Variants in CEP72 observed in about 807,000 individuals in gnomAD.
CEP72 encodes centrosomal protein 72.
Under a neutral mutation model 65.7 loss-of-function variants are expected in CEP72, and 78 were observed. The observed-to-expected ratio is 1.19, with a 90% CI of 0.99 to 1.43. The LOEUF (loss-of-function observed/expected upper bound fraction) is 1.43, where lower values mean the gene tolerates loss of function less well. Ranked by LOEUF, CEP72 falls within the 40% of genes most tolerant of loss-of-function variation. CEP72 has a pLI of 0.00. For synonymous variants in CEP72, 358 were observed against 351.7 expected (o/e 1.02, Z -0.20); for missense variants, 914 against 832.9 (o/e 1.10, Z -1.20).
At chr5:650,004 G>A (rs1580030014) in intron 11 of CEP72, among the ~76,000 whole-genome samples, 1 of 127,892 alleles carries the variant, frequency 7.8e-6, no homozygotes, top group South Asian at 3.0e-4. Context: ...ACTGTGAGGC[G>A]TGGACTGTGA....
downstream of CEP72, among the ~76,000 whole-genome samples, chr5:671,595 C>T (rs546484916): frequency 3.9e-5 from 6 of 152,360 alleles, no homozygotes; most frequent in South Asian, 2.1e-4. Context: ...GCACAGTGCT[C>T]TGGGGATTGC....
intron 9 of CEP72, chr5:642,555 C>A (rs944236978): frequency 2.0e-6 from 2 of 985,362 alleles, no homozygotes; most frequent in Non-Finnish European, 2.4e-6. Context: ...AAAGGTGTGC[C>A]GAGCACCAGT....
chr5:623,098 C>T lies in CEP72; in HGVS notation c.404-1373C>T, dbSNP rs1351907912. Among the ~76,000 whole-genome samples the T allele has an allele frequency of 1.3e-5, 2 of 149,532 alleles. No homozygotes were observed. The highest frequency in any genetic ancestry group is 5.0e-5 in the African/African-American group (2 of 40,282). On this transcript the variant is annotated intron_variant, in intron 3 of 11. Transcript: ENST00000264935. The surrounding 1 kb of genome is among the most constrained non-coding windows in gnomAD (Gnocchi z 5.3). Reference sequence around the variant, plus strand: ...TGTTTCTGCAGAGAAGGAGCGCGACCGTCTCCCTCTTAGTGTTTCTGCAGA... The same window carrying T: ...TGTTTCTGCAGAGAAGGAGCGCGACTGTCTCCCTCTTAGTGTTTCTGCAGA...
chr5:631,595 GC>G (rs1269982464), intron 4 of CEP72, among the ~76,000 whole-genome samples: 1 of 37,956 alleles, frequency 2.6e-5, no homozygotes, highest in Non-Finnish European at 4.5e-5. Flanking sequence ...TCTGTCCAGT[GC>G]CGGGATTTGG....
intron 11 of CEP72, among the ~76,000 whole-genome samples, chr5:650,158 G>T (rs1738888748): frequency 7.4e-6 from 1 of 135,228 alleles, no homozygotes; most frequent in African/African-American, 2.9e-5. Flanking sequence ...GGCGTGGACT[G>T]TGAGGTGTGA....
At chr5:638,255 T>G (rs1194565241) in intron 7 of CEP72, among the ~76,000 whole-genome samples, 1 of 152,068 alleles carries the variant, frequency 6.6e-6, no homozygotes, top group East Asian at 1.9e-4. Flanking sequence ...GCTGAGCCAT[T>G]GATGACCCTT....
intron 6 of CEP72, among the ~76,000 whole-genome samples, chr5:637,257 T>A (rs1737671016): frequency 6.6e-6 from 1 of 152,180 alleles, no homozygotes; most frequent in Admixed American, 6.5e-5. Context: ...TCATCCAGAC[T>A]CCCCCAGAGT....
intron 11 of CEP72, among the ~76,000 whole-genome samples, chr5:651,728 C>T (rs968114303): frequency 3.3e-5 from 5 of 151,944 alleles, no homozygotes; most frequent in African/African-American, 7.3e-5. Context: ...AAGGACAGGT[C>T]GCTCTGGGCA....
chr5:642,492 A>G, intron 9 of CEP72: 1 of 985,506 alleles, frequency 1.0e-6, no homozygotes, highest in Non-Finnish European at 1.2e-6. Context: ...ACAGTCAGGC[A>G]CACCCCTTGC....
intron 11 of CEP72, among the ~76,000 whole-genome samples, chr5:648,781 C>A (rs1200943580): frequency 5.2e-5 from 4 of 77,282 alleles, no homozygotes; most frequent in Non-Finnish European, 2.5e-5. Flanking sequence ...TGAGGTGTGA[C>A]TGTGAGGTGT....
chr5:616,795 GGTGTGTGTGTGTGTGTGTGTATGT>G (rs1306400998), intron 1 of CEP72, among the ~76,000 whole-genome samples: 2 of 139,040 alleles, frequency 1.4e-5, no homozygotes, highest in South Asian at 2.3e-4. Context: ...GTGGACGAGG[GGTGTGTGTGTGTGTGTGTGTATGT>G]GTGTGTGTGT....
chr5:627,350 T>C (rs1280542237), intron 4 of CEP72, among the ~76,000 whole-genome samples: 3 of 152,220 alleles, frequency 2.0e-5, no homozygotes, highest in African/African-American at 7.2e-5. Flanking sequence ...GTTATTCGTG[T>C]TTTCTTTTTT....
Position 620,482 on chromosome 5 carries a change from G to A in CEP72, c.403+221G>A, listed in dbSNP as rs534975710. The stretch of plus-strand genomic sequence containing the variant: ...TGGAAGTTGAGCACCCTGGGAGGGC[G>A]CAGGGCTGGGGCCGTGGGAGCACAG... On this transcript the variant is annotated intron_variant, in intron 3 of 11. Transcript: ENST00000264935. Among the ~76,000 whole-genome samples the A allele has an allele frequency of 9.2e-5, 14 of 152,308 alleles. No individual in the cohort carries two copies. In the South Asian group the frequency reaches 2.9e-3, roughly 32 times the overall value.
chr5:647,134 G>A (rs1322831543), intron 10 of CEP72, among the ~76,000 whole-genome samples: 2 of 152,230 alleles, frequency 1.3e-5, no homozygotes, highest in Non-Finnish European at 2.9e-5. Flanking sequence ...AGAAGAGCCT[G>A]CCATCCGTGT....
chr5:641,062 G>A, intron 9 of CEP72: 1 of 985,430 alleles, frequency 1.0e-6, no homozygotes, highest in Non-Finnish European at 1.2e-6. Flanking sequence ...TATCACCTTG[G>A]ATTTCTGTGT....
downstream of CEP72, among the ~76,000 whole-genome samples, chr5:670,181 A>G (rs555481072): frequency 3.3e-4 from 51 of 152,266 alleles, no homozygotes; most frequent in East Asian, 8.7e-3. Flanking sequence ...CCGAGGACTG[A>G]GGCCTGTTCC....
At chr5:668,459 C>CT (rs141207107), downstream of CEP72, among the ~76,000 whole-genome samples, 27 of 110,286 alleles carry the variant, frequency 2.4e-4, no homozygotes, top group African/African-American at 4.8e-4. Context: ...GACAAGCACA[C>CT]GGAGAGGGGG....
chr5:641,662 G>A (rs1413662448), intron 9 of CEP72: 1 of 984,586 alleles, frequency 1.0e-6, no homozygotes, highest in South Asian at 4.7e-5. Context: ...CCATCTGGAA[G>A]CCTCTGTATT....
At chr5:646,017 C>T (rs1476689435) in intron 10 of CEP72, among the ~76,000 whole-genome samples, 4 of 151,246 alleles carry the variant, frequency 2.6e-5, no homozygotes, top group South Asian at 2.1e-4. Flanking sequence ...GTCACTCTTG[C>T]TCCCATCGGC....
Sources: allele counts gnomAD v4.1 joint callset (sites outside exome capture counted in the v4.1 genomes callset), GRCh38; gene constraint gnomAD v4.1.1; non-coding constraint Gnocchi (gnomAD v3.1); transcripts MANE v1.5; gene names NCBI Gene and HGNC (gene_info 2026-07-23, HGNC 2026-07-21).